Variants in DAB1 observed in about 807,000 individuals in gnomAD.
DAB1 encodes DAB adaptor protein 1.
DAB1 carries 15 observed loss-of-function variants against 64.6 expected under a neutral mutation model. The ratio of observed to expected loss-of-function variants is 0.23; its 90% CI spans 0.16 to 0.36. DAB1 has a LOEUF of 0.36. Among genes scored for constraint, DAB1 ranks in the 10% least tolerant of loss-of-function variants. The probability of loss-of-function intolerance (pLI) is 1.00; values close to 1 mark genes in which losing one functional copy is unlikely to be tolerated. For missense variants in DAB1, 596 were observed against 706.7 expected, an observed-to-expected ratio of 0.84 and a Z score of 1.78; for synonymous variants, 235 against 251.9, an observed-to-expected ratio of 0.93 and a Z score of 0.64.
At chr1:58,457,664 C>T (rs914686670) in intron 3 of DAB1, among the ~76,000 whole-genome samples, 1 of 152,192 alleles carries the variant, frequency 6.6e-6, no homozygotes, top group Non-Finnish European at 1.5e-5. Context: ...TTAATTAAAC[C>T]GTCTCTGTTA....
chr1:57,488,893 C>T (rs75044079), intron 7 of DAB1, among the ~76,000 whole-genome samples: 3,024 of 152,134 alleles, frequency 0.02, 84 homozygotes, highest in East Asian at 0.14. Context: ...GAAATATATG[C>T]CATCTGGCAT....
intron 4 of DAB1, among the ~76,000 whole-genome samples, chr1:57,109,101 C>T (rs1038457945): frequency 1.2e-4 from 19 of 152,208 alleles, no homozygotes; most frequent in Admixed American, 6.5e-4. Context: ...GAATTTGGAT[C>T]TTTCTGATGG....
intron 5 of DAB1, among the ~76,000 whole-genome samples, chr1:58,041,268 C>T (rs1006339657): frequency 1.2e-4 from 18 of 152,274 alleles, no homozygotes; most frequent in African/African-American, 4.1e-4. Context: ...TATATTGCAA[C>T]GATTGGCTTA....
At position 58,181,978 on chromosome 1, in the gene DAB1, G is replaced by A. The variant is rs192972832; in HGVS notation, n.310-31390C>T. ...CTTTCTTTACTCTTTCTCGTAAGTC[G>A]GGTCTGCTAGCCACAAATTCATTTA... On this transcript the variant is annotated intron_variant and non_coding_transcript_variant, in intron 4 of 20. Coordinates refer to the DAB1 transcript ENST00000485760. Among the ~76,000 whole-genome samples the A allele has an allele frequency of 1.6e-3, 247 of 151,924 alleles. 3 individuals are homozygous for A. The East Asian group carries it at 0.027, about 16-fold the overall frequency.
intron 7 of DAB1, among the ~76,000 whole-genome samples, chr1:57,510,690 CT>C (rs1445767019): frequency 1.3e-5 from 2 of 152,062 alleles, no homozygotes. Flanking sequence ...TGGGGTCATC[CT>C]TGATTTCCTT....
intron 3 of DAB1, among the ~76,000 whole-genome samples, chr1:57,144,396 A>T (rs913971641): frequency 5.3e-5 from 8 of 152,086 alleles, no homozygotes; most frequent in African/African-American, 1.9e-4. Flanking sequence ...TTGTATATTT[A>T]AAAAATTTCT....
chr1:58,282,392 T>C (rs899467130), intron 4 of DAB1, among the ~76,000 whole-genome samples: 9 of 152,200 alleles, frequency 5.9e-5, no homozygotes, highest in Non-Finnish European at 1.2e-4. Context: ...CACTCTATCA[T>C]ATAATGTGTT....
intron 7 of DAB1, among the ~76,000 whole-genome samples, chr1:57,453,505 A>C (rs1205394240): frequency 6.6e-6 from 1 of 152,178 alleles, no homozygotes; most frequent in African/African-American, 2.4e-5. Context: ...AGCATGATGC[A>C]ATTCTGTAGG....
chr1:57,678,761 G>GTTTTTTTTTTTTTTTTTTTTT (rs143885937), intron 6 of DAB1, among the ~76,000 whole-genome samples: 3 of 135,808 alleles, frequency 2.2e-5, no homozygotes, highest in African/African-American at 5.7e-5. Flanking sequence ...TGAGGCAACT[G>GTTTTTTTTTTTTTTTTTTTTT]TTTTTTGTTT....
intron 7 of DAB1, among the ~76,000 whole-genome samples, chr1:57,495,314 C>T (rs563496755): frequency 6.6e-6 from 1 of 152,238 alleles, no homozygotes; most frequent in South Asian, 2.1e-4. Context: ...AATTTCTTGT[C>T]ACTTTGAATT....
In DAB1 at chr1:57,142,625, C is replaced by A. The variant is rs910155659; in HGVS notation, c.207+2665G>T. Among the ~76,000 whole-genome samples, 8 of 148,680 alleles carry A rather than the reference C, an allele frequency of 5.4e-5. No homozygotes were observed. In the South Asian group the frequency reaches 1.7e-3, roughly 31 times the overall value. ...ACACACACACACACACACACACACA[C>A]ACACATACACACACACACACACACG... On this transcript the variant is annotated intron_variant, in intron 3 of 14. Coordinates refer to ENST00000371236, the MANE Select transcript of DAB1 (RefSeq NM_001365792.1).
intron 5 of DAB1, among the ~76,000 whole-genome samples, chr1:58,139,242 C>A (rs986575813): frequency 6.6e-6 from 1 of 152,094 alleles, no homozygotes; most frequent in Non-Finnish European, 1.5e-5. Flanking sequence ...CTCCCCATGG[C>A]CAATGTGATC....
At chr1:58,387,168 C>T (rs781060362) in intron 3 of DAB1, among the ~76,000 whole-genome samples, 10 of 152,202 alleles carry the variant, frequency 6.6e-5, no homozygotes, top group South Asian at 2.1e-4. Context: ...TAAAGTCCAG[C>T]GCAAATTGGT....
At chr1:57,037,983 C>T (rs1180338393) in intron 9 of DAB1, among the ~76,000 whole-genome samples, 3 of 152,102 alleles carry the variant, frequency 2.0e-5, no homozygotes, top group East Asian at 1.9e-4. Flanking sequence ...GGCTAGCATG[C>T]CTGATGAACT....
intron 2 of DAB1, 51 bp downstream of exon 2, chr1:57,290,913 C>T (rs1054071627): frequency 1.7e-6 from 2 of 1,166,060 alleles, no homozygotes; most frequent in South Asian, 2.6e-5. Context: ...TCTAAAAACT[C>T]ATTCCTGTGC....
chr1:57,293,061 C>T (rs953238161), intron 1 of DAB1, among the ~76,000 whole-genome samples: 2 of 152,096 alleles, frequency 1.3e-5, no homozygotes, highest in African/African-American at 4.8e-5. Context: ...GTGGTTGTCT[C>T]AGGCAGAAAG....
chr1:57,456,355 C>T (rs756839954), intron 7 of DAB1, among the ~76,000 whole-genome samples: 1 of 152,112 alleles, frequency 6.6e-6, no homozygotes, highest in Non-Finnish European at 1.5e-5. Flanking sequence ...TTAAAAGAGA[C>T]TAACACTGGC....
intron 5 of DAB1, among the ~76,000 whole-genome samples, chr1:58,031,738 G>A (rs1238809955): frequency 6.6e-6 from 1 of 152,136 alleles, no homozygotes; most frequent in Admixed American, 6.5e-5. Context: ...CAAAGGGAAA[G>A]GTTTGCTTTG....
At chr1:57,120,727 G>A (rs1423693361) in intron 4 of DAB1, among the ~76,000 whole-genome samples, 1 of 152,122 alleles carries the variant, frequency 6.6e-6, no homozygotes, top group Non-Finnish European at 1.5e-5. Flanking sequence ...TCCCTTTTGT[G>A]ACTGGTTCAC....
Sources: gnomAD v4.1 joint callset for allele counts (sites outside exome capture counted in the v4.1 genomes callset) on GRCh38, gnomAD v4.1.1 for gene constraint, MANE v1.5 for transcripts, NCBI Gene and HGNC (gene_info 2026-07-23, HGNC 2026-07-21) for gene names.